Variants in ZNF236 observed in about 807,000 individuals in gnomAD.
ZNF236 encodes the protein zinc finger protein 236.
A neutral mutation model predicts 191.2 loss-of-function variants in ZNF236; 50 were observed. The ratio of observed to expected loss-of-function variants is 0.26; its 90% confidence interval spans 0.21 to 0.33. The LOEUF (loss-of-function observed/expected upper bound fraction) is 0.33. ZNF236 is among the 10% of genes least tolerant of loss of function. The probability of loss-of-function intolerance (pLI) is 1.00; values close to 1 mark genes in which losing one functional copy is unlikely to be tolerated. For missense variants in ZNF236, 1,754 were observed against 2,374.5 expected (o/e 0.74, Z 5.43); for synonymous variants, 907 against 928.8 (o/e 0.98, Z 0.43).
rs1252982082 is a variant in ZNF236, at chr18:76,851,027, CT to C, written c.199-735del. Among the ~76,000 whole-genome samples the C allele has an allele frequency of 1.5e-3, 203 of 131,626 alleles. 2 individuals are homozygous for C. The highest frequency in any genetic ancestry group is 3.1e-3 in the African/African-American group (112 of 36,554). 86.4% of individuals were successfully genotyped at this position (131,626 alleles called of 152,430 possible). A position where few individuals can be genotyped will look rare whatever the true frequency, so the allele number is the denominator to read the frequency against. On this transcript the variant is annotated intron_variant, in intron 2 of 30. Transcript: ENST00000320610. ...TGAATTTATACGCAGCTTTTTCTTT[CT>C]TTTTTTTTTTTTAAAAAAAAGCTTC... is the stretch of plus-strand genomic sequence containing the variant.
intron 20 of ZNF236, 122 bp from the exon 21 acceptor site, chr18:76,922,949 A>G (rs1967579695): frequency 1.4e-6 from 1 of 699,130 alleles, no homozygotes; most frequent in Admixed American, 2.7e-5. Flanking sequence ...AGTGAAGCTT[A>G]AAGTTTTTCT....
chr18:76,957,444 C>T (rs1599426581), intron 28 of ZNF236, among the ~76,000 whole-genome samples: 1 of 152,328 alleles, frequency 6.6e-6, no homozygotes, highest in East Asian at 1.9e-4. Context: ...CTGGTGAGCC[C>T]CGAGACCCTC....
intron 4 of ZNF236, among the ~76,000 whole-genome samples, chr18:76,870,010 T>G (rs895996781): frequency 2.0e-4 from 31 of 152,326 alleles, no homozygotes; most frequent in African/African-American, 7.5e-4. Flanking sequence ...AACTACTATA[T>G]TATCAGTTTA....
chr18:76,938,232 A>G (rs1049443947), intron 26 of ZNF236, among the ~76,000 whole-genome samples: 1 of 152,138 alleles, frequency 6.6e-6, no homozygotes, highest in African/African-American at 2.4e-5. Context: ...TCTACAAAAA[A>G]TAAAAAATTT....
intron 1 of ZNF236, among the ~76,000 whole-genome samples, chr18:76,838,991 G>T (rs1329075465): frequency 6.6e-6 from 1 of 152,208 alleles, no homozygotes; most frequent in Non-Finnish European, 1.5e-5. Context: ...CATACAGATT[G>T]TTTTCTTACG....
intron 6 of ZNF236, 142 bp from the exon 7 acceptor site, chr18:76,877,867 T>C (rs1227739907): frequency 1.7e-6 from 1 of 590,156 alleles, no homozygotes; most frequent in Non-Finnish European, 2.7e-6. Flanking sequence ...CTATCTAATT[T>C]AAAAGAAAAA....
At chr18:76,922,108 C>T (rs941704083) in intron 20 of ZNF236, among the ~76,000 whole-genome samples, 7 of 152,064 alleles carry the variant, frequency 4.6e-5, no homozygotes, top group Non-Finnish European at 8.8e-5. Context: ...ATCTATAAAC[C>T]TATTTTATTC....
intron 25 of ZNF236, among the ~76,000 whole-genome samples, chr18:76,931,482 T>C (rs1328442778): frequency 6.6e-6 from 1 of 152,102 alleles, no homozygotes; most frequent in Non-Finnish European, 1.5e-5. Context: ...TTTATTCAAC[T>C]GTACAAAGCA....
chr18:76,972,627 A>G lies in ZNF236; in HGVS notation c.*4288A>G, dbSNP rs897090954. Among the ~76,000 whole-genome samples the G allele has an allele frequency of 1.3e-5, 2 of 152,248 alleles. No homozygotes were observed. The highest frequency in any genetic ancestry group is 6.5e-5 in the Admixed American group (1 of 15,290). ...TCTTTTATGTGTAACACTTTACAGC[A>G]TGAAGACGTATTCTATCAATATTTG... On this transcript the variant is annotated 3_prime_UTR_variant, in exon 31 of 31. Coordinates refer to ENST00000320610, the MANE Select transcript of ZNF236 (RefSeq NM_001306089.2).
chr18:76,874,012 G>A (rs1976649935), intron 5 of ZNF236, among the ~76,000 whole-genome samples: 1 of 146,104 alleles, frequency 6.8e-6, no homozygotes, highest in African/African-American at 2.6e-5. Flanking sequence ...CACTCACCGT[G>A]CCTCCTGCCT....
At chr18:76,878,673 CG>C (rs1976784674) in intron 7 of ZNF236, among the ~76,000 whole-genome samples, 1 of 152,004 alleles carries the variant, frequency 6.6e-6, no homozygotes, top group South Asian at 2.1e-4. Flanking sequence ...TTTCTGTAGG[CG>C]TCTTTAGCTC....
chr18:76,861,812 C>T (rs1022916868), intron 3 of ZNF236, among the ~76,000 whole-genome samples: 1 of 152,104 alleles, frequency 6.6e-6, no homozygotes, highest in Non-Finnish European at 1.5e-5. Flanking sequence ...TCAGAGGTGG[C>T]GGACGGTTGG....
intron 4 of ZNF236, among the ~76,000 whole-genome samples, chr18:76,869,281 A>G (rs1976514303): frequency 6.6e-6 from 1 of 152,202 alleles, no homozygotes; most frequent in African/African-American, 2.4e-5. Context: ...CATCATTACA[A>G]ACAACCCTGT....
At chr18:76,959,240 G>A (rs777240017) in intron 28 of ZNF236, among the ~76,000 whole-genome samples, 4 of 152,148 alleles carry the variant, frequency 2.6e-5, no homozygotes, top group African/African-American at 7.2e-5. Context: ...GCTGGGTGCC[G>A]CAGGGCCTCA....
At chr18:76,861,043 A>G (rs1976204949) in intron 3 of ZNF236, among the ~76,000 whole-genome samples, 1 of 152,206 alleles carries the variant, frequency 6.6e-6, no homozygotes, top group South Asian at 2.1e-4. Context: ...GGGCTGTCAC[A>G]TTCAGCCACC....
chr18:76,854,264 T>G (rs1485233341), intron 3 of ZNF236, among the ~76,000 whole-genome samples: 1 of 152,152 alleles, frequency 6.6e-6, no homozygotes, highest in Non-Finnish European at 1.5e-5. Flanking sequence ...TTTGTGGTAT[T>G]TCAAACTTTT....
chr18:76,936,112 A>G, intron 25 of ZNF236: 1 of 456,496 alleles, frequency 2.2e-6, no homozygotes, highest in Admixed American at 2.4e-5. Flanking sequence ...AGAGCGCTGG[A>G]CTGATGTGAC....
intron 3 of ZNF236, among the ~76,000 whole-genome samples, chr18:76,866,776 T>G (rs1262334855): frequency 1.3e-5 from 2 of 152,150 alleles, no homozygotes; most frequent in Non-Finnish European, 2.9e-5. Flanking sequence ...ACATGGGGTG[T>G]TGTTCTTCTT....
chr18:76,871,044 G>A (rs995315169), intron 4 of ZNF236, among the ~76,000 whole-genome samples: 1 of 152,176 alleles, frequency 6.6e-6, no homozygotes, highest in Admixed American at 6.5e-5. Flanking sequence ...GGTGGCTAGA[G>A]GGTGGAGAGA....
Sources: allele counts gnomAD v4.1 joint callset (sites outside exome capture counted in the v4.1 genomes callset), GRCh38; gene constraint gnomAD v4.1.1; transcripts MANE v1.5; gene names NCBI Gene and HGNC (gene_info 2026-07-23, HGNC 2026-07-21).